The following KATNAL2 variants were observed in gnomAD, a reference collection of about 807,000 sequenced individuals.
The protein encoded by KATNAL2 is katanin catalytic subunit A1 like 2.
Under a neutral mutation model 76.3 loss-of-function variants are expected in KATNAL2, and 52 were observed. The ratio of observed to expected loss-of-function variants is 0.68; its 90% confidence interval spans 0.55 to 0.86. KATNAL2 has a LOEUF of 0.86. Ranked by LOEUF, KATNAL2 falls within the 40% of genes least tolerant of loss-of-function variation. The probability of loss-of-function intolerance (pLI) is 0.00; values close to 1 mark genes in which losing one functional copy is unlikely to be tolerated. For synonymous variants in KATNAL2, 243 were observed against 244.2 expected (o/e 1.00, Z 0.05); for missense variants, 660 against 668.9 (o/e 0.99, Z 0.15).
chr18:46,928,874 C>A (rs1407952587), intron 1 of KATNAL2, among the ~76,000 whole-genome samples: 1 of 152,140 alleles, frequency 6.6e-6, no homozygotes, highest in Non-Finnish European at 1.5e-5. Context: ...TGGCTCGCTG[C>A]AACCTCCACC....
At position 46,951,139 on chromosome 18, in the gene KATNAL2, G is replaced by T. The variant is rs1423202413; in HGVS notation, c.51+4216G>T. ...TTCCCTCATTCTCTCAACACGGAGAGAAATTCTATCATAATTTTCATTAAA... is the reference window on the plus strand; with the variant it reads ...TTCCCTCATTCTCTCAACACGGAGATAAATTCTATCATAATTTTCATTAAA... On this transcript the variant is annotated intron_variant, in intron 3 of 17. Transcript: ENST00000683218. 5.3e-5 allele frequency among the ~76,000 whole-genome samples: 8 copies of T among 152,174 alleles called. No individual in the cohort carries two copies. In the East Asian group the frequency reaches 1.5e-3, roughly 29 times the overall value.
chr18:47,046,303 C>A, intron 3 of KATNAL2, 154 bp from the exon 4 acceptor site: 1 of 581,156 alleles, frequency 1.7e-6, no homozygotes, highest in Non-Finnish European at 3.0e-6. Context: ...CAATGGAAAA[C>A]AACTTTATAT....
intron 15 of KATNAL2, among the ~76,000 whole-genome samples, chr18:47,088,954 C>A (rs1170272758): frequency 6.6e-6 from 1 of 152,218 alleles, no homozygotes; most frequent in Non-Finnish European, 1.5e-5. Context: ...GCAAGGCAGA[C>A]AAATTTCCCT....
chr18:47,072,099 T>C (rs1276862346), intron 13 of KATNAL2, among the ~76,000 whole-genome samples: 1 of 150,440 alleles, frequency 6.6e-6, no homozygotes, highest in Non-Finnish European at 1.5e-5. Context: ...TAGCTGGGAC[T>C]ACAGGTGCCC....
intron 3 of KATNAL2, among the ~76,000 whole-genome samples, chr18:46,955,573 G>T (rs2059721709): frequency 6.7e-6 from 1 of 149,948 alleles, no homozygotes; most frequent in Admixed American, 6.7e-5. Context: ...TTCTGTGTTT[G>T]TTTGGAAACA....
rs1260999334 is a variant in KATNAL2, at chr18:47,034,378, G to T, written c.52-12079G>T. ...GTGACTGTCTGGAGCCTCCTCCAAG[G>T]CAGGGACACGCTGGCCGCTGCCAGC... On this transcript the variant is annotated intron_variant, in intron 3 of 17. Transcript: ENST00000683218. 1 of 1,613,910 alleles carries T rather than the reference G, an allele frequency of 6.2e-7. No individual in the cohort carries two copies. The highest frequency in any genetic ancestry group is 1.3e-5 in the African/African-American group (1 of 74,950).
rs1383144220 is a variant in KATNAL2, at chr18:47,100,927, G to T, written c.1539G>T (p.Val513=). ...DIVTTADFLD[V]LTHTKPSAKN... ...TAACCACTGCCGACTTTCTGGATGT[G>T]CTAACTCACACCAAGCCCTCCGCAA... The change falls in exon 18 of 18, where the codon GTG becomes GTT. Residue 513 remains valine, a synonymous_variant. Coordinates refer to ENST00000683218, the MANE Select transcript of KATNAL2 (RefSeq NM_001387690.1). 24 of 1,614,096 alleles carry T rather than the reference G, an allele frequency of 1.5e-5. No individual in the cohort carries two copies. The South Asian group carries it at 2.5e-4, about 17-fold the overall frequency.
intron 1 of KATNAL2, among the ~76,000 whole-genome samples, chr18:46,932,716 G>T (rs1000875682): frequency 1.4e-5 from 2 of 143,882 alleles, no homozygotes; most frequent in South Asian, 2.2e-4. Context: ...CACTCATTTC[G>T]CAAGGCTATT....
chr18:46,930,112 T>G (rs549983036), intron 1 of KATNAL2, among the ~76,000 whole-genome samples: 11 of 152,122 alleles, frequency 7.2e-5, no homozygotes, highest in Non-Finnish European at 1.3e-4. Context: ...TTATACAACT[T>G]TTCAGACTCT....
chr18:47,041,775 C>CT (rs2060973523), intron 3 of KATNAL2, among the ~76,000 whole-genome samples: 1 of 152,166 alleles, frequency 6.6e-6, no homozygotes, highest in African/African-American at 2.4e-5. Flanking sequence ...TTAGTCTTTA[C>CT]TTTAAAAAAA....
chr18:46,965,943 G>A (rs1459542534), intron 3 of KATNAL2, among the ~76,000 whole-genome samples: 284 of 148,848 alleles, frequency 1.9e-3, no homozygotes, highest in Non-Finnish European at 3.2e-3. Context: ...GCGATTTCGC[G>A]TAATGTTTAC....
chr18:47,076,799 A>T (rs1279848876), intron 14 of KATNAL2, among the ~76,000 whole-genome samples: 2 of 31,924 alleles, frequency 6.3e-5, no homozygotes, highest in Non-Finnish European at 1.8e-4. Context: ...TAAATAAATT[A>T]TATATATATA....
At chr18:47,073,492 T>A (rs1201616842) in intron 13 of KATNAL2, among the ~76,000 whole-genome samples, 2 of 152,210 alleles carry the variant, frequency 1.3e-5, no homozygotes, top group Non-Finnish European at 2.9e-5. Context: ...AACTGGACAA[T>A]CTTGGTCATG....
chr18:47,051,586 T>G (rs899262948), intron 4 of KATNAL2, among the ~76,000 whole-genome samples: 2 of 152,218 alleles, frequency 1.3e-5, no homozygotes, highest in Non-Finnish European at 1.5e-5. Context: ...AATAAAAAAC[T>G]GATTTAGTTT....
At chr18:46,930,379 A>G (rs541293578) in intron 1 of KATNAL2, among the ~76,000 whole-genome samples, 1 of 152,210 alleles carries the variant, frequency 6.6e-6, no homozygotes, top group Non-Finnish European at 1.5e-5. Flanking sequence ...ATTAAAATTT[A>G]TAGACTATGA....
intron 1 of KATNAL2, among the ~76,000 whole-genome samples, chr18:46,943,076 A>G (rs2059292418): frequency 6.6e-6 from 1 of 152,052 alleles, no homozygotes. Flanking sequence ...GGCCTGTGGG[A>G]GTAATGGTAA....
chr18:47,099,769 T>C (rs2063393021), intron 16 of KATNAL2, among the ~76,000 whole-genome samples: 1 of 152,164 alleles, frequency 6.6e-6, no homozygotes, highest in Non-Finnish European at 1.5e-5. Context: ...ACTGTGATGA[T>C]TACATAACAG....
rs1599310076 is a variant in KATNAL2 at position 46,926,821 on chromosome 18, T to A, written c.-510+8895T>A. The stretch of plus-strand genomic sequence containing the variant: ...TAGTTAGCTCTTCTTGTTGAATTGA[T>A]CCCTTTACCATTATGTAATGGCCTT... On this transcript the variant is annotated intron_variant, in intron 1 of 17. Transcript: ENST00000683218. 2.0e-5 allele frequency among the ~76,000 whole-genome samples: 3 copies of A among 152,190 alleles called. No individual in the cohort carries two copies. In the South Asian group the frequency reaches 6.2e-4, roughly 32 times the overall value.
intron 3 of KATNAL2, chr18:47,032,934 C>G: frequency 6.2e-7 from 1 of 1,611,138 alleles, no homozygotes; most frequent in East Asian, 2.2e-5. Context: ...AAGTTTCGTT[C>G]CCCAACCCGC....
Sources: gnomAD v4.1 joint callset for allele counts (sites outside exome capture counted in the v4.1 genomes callset) on GRCh38, gnomAD v4.1.1 for gene constraint, MANE v1.5 for transcripts, NCBI Gene and HGNC (gene_info 2026-07-23, HGNC 2026-07-21) for gene names.